The following PRKCA variants were observed in gnomAD, a reference collection of about 807,000 sequenced individuals.
PRKCA encodes protein kinase C alpha, also known as protein kinase C alpha type.
Under a neutral mutation model 87.0 loss-of-function variants are expected in PRKCA, and 27 were observed. That is an observed-to-expected ratio of 0.31 (90% CI 0.23 to 0.43). The LOEUF (loss-of-function observed/expected upper bound fraction) is 0.43. Among genes scored for constraint, PRKCA ranks in the 20% least tolerant of loss-of-function variants. PRKCA has a pLI of 1.00. For synonymous variants in PRKCA, 329 were observed against 311.1 expected (o/e 1.06, Z -0.61); for missense variants, 518 against 852.3 (o/e 0.61, Z 4.88).
intron 2 of PRKCA, among the ~76,000 whole-genome samples, chr17:66,437,266 G>A (rs1030193256): frequency 6.6e-6 from 1 of 152,144 alleles, no homozygotes; most frequent in African/African-American, 2.4e-5. Flanking sequence ...GTGTGCAGTG[G>A]TGGAGAAATC....
At chr17:66,521,814 G>A (rs1379428339) in intron 3 of PRKCA, among the ~76,000 whole-genome samples, 51 of 152,146 alleles carry the variant, frequency 3.4e-4, no homozygotes, top group Non-Finnish European at 5.9e-5. Context: ...GAGAAAATAC[G>A]GTCAAGAATT....
intron 8 of PRKCA, among the ~76,000 whole-genome samples, chr17:66,718,912 C>T (rs1304493634): frequency 6.6e-6 from 1 of 152,196 alleles, no homozygotes; most frequent in African/African-American, 2.4e-5. Context: ...TTTAGACACA[C>T]AACCCAAAAG....
intron 13 of PRKCA, among the ~76,000 whole-genome samples, chr17:66,773,744 GC>G (rs1165019570): frequency 1.3e-5 from 2 of 152,050 alleles, no homozygotes; most frequent in Admixed American, 1.3e-4. Context: ...CAGTGCTGTG[GC>G]ATCTCCAGGT....
chr17:66,780,792 A>G (rs540608017), intron 14 of PRKCA, among the ~76,000 whole-genome samples: 20 of 152,208 alleles, frequency 1.3e-4, no homozygotes, highest in African/African-American at 4.3e-4. Context: ...CTTCCACACC[A>G]TATTACATAA....
chr17:66,777,928 C>A, intron 14 of PRKCA: 1 of 985,396 alleles, frequency 1.0e-6, no homozygotes, highest in Non-Finnish European at 1.2e-6. Context: ...ATCTCATTCA[C>A]TAGGGGAGAA....
intron 3 of PRKCA, among the ~76,000 whole-genome samples, chr17:66,613,149 C>T (rs531985667): frequency 6.6e-6 from 1 of 152,284 alleles, no homozygotes; most frequent in African/African-American, 2.4e-5. Context: ...CTTTTCTCAC[C>T]TCAATAAACC....
At chr17:66,566,480 G>T (rs67111958) in intron 3 of PRKCA, among the ~76,000 whole-genome samples, 27,911 of 96,476 alleles carry the variant, frequency 0.29, 4,066 homozygotes, top group African/African-American at 0.47. Flanking sequence ...TTGTTTTTTG[G>T]TTTTTTTTTT....
intron 9 of PRKCA, among the ~76,000 whole-genome samples, chr17:66,733,349 A>G (rs1973951063): frequency 6.6e-6 from 1 of 152,156 alleles, no homozygotes; most frequent in Non-Finnish European, 1.5e-5. Context: ...CACAGGGTCC[A>G]TGTTACACAG....
chr17:66,409,404 A>G (rs955665206), intron 2 of PRKCA, among the ~76,000 whole-genome samples: 2 of 152,144 alleles, frequency 1.3e-5, no homozygotes, highest in Non-Finnish European at 2.9e-5. Flanking sequence ...CCATTGATGA[A>G]TTAGCATTTA....
At chr17:66,760,693 A>G (rs1049489067) in intron 13 of PRKCA, among the ~76,000 whole-genome samples, 1 of 152,224 alleles carries the variant, frequency 6.6e-6, no homozygotes, top group African/African-American at 2.4e-5. Flanking sequence ...ATGAAAGAGG[A>G]CATCACTACA....
intron 2 of PRKCA, among the ~76,000 whole-genome samples, chr17:66,482,098 CAAAAAAAA>C (rs58719328): frequency 7.8e-5 from 7 of 89,342 alleles, no homozygotes; most frequent in African/African-American, 2.3e-4. Context: ...AAGACTGTCT[CAAAAAAAA>C]AAAAAAAAAA....
intron 3 of PRKCA, among the ~76,000 whole-genome samples, chr17:66,498,459 A>C (rs1916581495): frequency 2.0e-5 from 3 of 151,108 alleles, no homozygotes; most frequent in African/African-American, 7.3e-5. Flanking sequence ...AGTTTGTCTG[A>C]CTCCCTTCTC....
At chr17:66,578,508 A>G (rs1001584285) in intron 3 of PRKCA, among the ~76,000 whole-genome samples, 3 of 152,218 alleles carry the variant, frequency 2.0e-5, no homozygotes, top group African/African-American at 7.2e-5. Flanking sequence ...CCTTAAAACC[A>G]TCTGGTCAAC....
chr17:66,417,792 A>G (rs973260935), intron 2 of PRKCA, among the ~76,000 whole-genome samples: 1 of 152,124 alleles, frequency 6.6e-6, no homozygotes, highest in Admixed American at 6.6e-5. Context: ...TTGAAATCCA[A>G]TTTAAATATC....
intron 14 of PRKCA, among the ~76,000 whole-genome samples, chr17:66,781,887 A>ATATATATATATAGTGT (rs767300220): frequency 5.6e-5 from 7 of 125,618 alleles, no homozygotes; most frequent in South Asian, 5.0e-4. Context: ...ATATATATAT[A>ATATATATATATAGTGT]GTGTGTGTGT....
Position 66,461,758 on chromosome 17 carries a change from A to G in PRKCA, c.206-34443A>G, listed in dbSNP as rs189025551. On this transcript the variant is annotated intron_variant, in intron 2 of 16. Transcript: ENST00000413366. ...TTGAGAACCTTCTTGGCATAGAGGC[A>G]TTCTGTGGGTTTCATGGTGGCCCAT... is the stretch of plus-strand genomic sequence containing the variant. 4.6e-5 allele frequency among the ~76,000 whole-genome samples: 7 copies of G among 152,300 alleles called. No individual in the cohort carries two copies. In the East Asian group the frequency reaches 1.3e-3, roughly 29 times the overall value.
intron 2 of PRKCA, among the ~76,000 whole-genome samples, chr17:66,428,405 A>G (rs937171517): frequency 6.6e-6 from 1 of 152,180 alleles, no homozygotes; most frequent in African/African-American, 2.4e-5. Flanking sequence ...GGGGAATAAA[A>G]CCAGTTGAAA....
Position 66,732,840 on chromosome 17 carries a change from G to T in PRKCA, c.1056+15G>T, listed in dbSNP as rs759257213. ...GTTTTGGAAAGGTAAGAGGACAGTC[G>T]TCTGCAAATTGCAGGGGCTTCTGCA... On this transcript the variant is annotated intron_variant, in intron 9 of 16. Coordinates refer to ENST00000413366, the MANE Select transcript of PRKCA (RefSeq NM_002737.3). 6 of 1,607,832 alleles carry T rather than the reference G, an allele frequency of 3.7e-6. No individual in the cohort carries two copies. The highest frequency in any genetic ancestry group is 4.5e-5 in the East Asian group (2 of 44,808).
Position 66,324,244 on chromosome 17 carries a change from A to G in PRKCA, c.205+18117A>G, listed in dbSNP as rs371081676. On this transcript the variant is annotated intron_variant, in intron 2 of 16. Transcript: ENST00000413366. ...AAAAATTAGCCTCTTTACTCTTATC[A>G]GGGAGTTTAAAATATAACTAGATAA... 2.6e-4 allele frequency among the ~76,000 whole-genome samples: 39 copies of G among 152,248 alleles called. No homozygotes were observed. The East Asian group carries it at 6.2e-3, about 24-fold the overall frequency.
Sources: allele counts gnomAD v4.1 joint callset (sites outside exome capture counted in the v4.1 genomes callset), GRCh38; gene constraint gnomAD v4.1.1; transcripts MANE v1.5; gene names NCBI Gene and HGNC (gene_info 2026-07-23, HGNC 2026-07-21).